Variants in CFAP263 observed in about 807,000 individuals in gnomAD.
The protein encoded by CFAP263 is cilia- and flagella-associated protein 263.
chr16:58,275,836 G>T, the CFAP263 span, among the ~76,000 whole-genome samples: 1 of 152,104 alleles, frequency 6.6e-6, no homozygotes, highest in South Asian at 2.1e-4. Flanking sequence ...ATTAATTCAG[G>T]TATATCAGAG....
chr16:58,257,951 T>C, the CFAP263 span, among the ~76,000 whole-genome samples: 28 of 152,034 alleles, frequency 1.8e-4, no homozygotes, highest in Non-Finnish European at 3.2e-4. Flanking sequence ...CTACTAAAAA[T>C]ACACAAATTA....
At chr16:58,258,650 C>T in the CFAP263 span, 2 of 779,572 alleles carry the variant, frequency 2.6e-6, no homozygotes, top group Non-Finnish European at 4.1e-6. Flanking sequence ...TGCGGATTTT[C>T]TTTGCATCCC....
the CFAP263 span, among the ~76,000 whole-genome samples, chr16:58,278,985 T>G: frequency 1.3e-5 from 2 of 152,200 alleles, no homozygotes; most frequent in Non-Finnish European, 2.9e-5. Flanking sequence ...TCCATTTTTT[T>G]TTTAAATGAG....
At chr16:58,257,014 C>CTT in the CFAP263 span, among the ~76,000 whole-genome samples, 75 of 41,916 alleles carry the variant, frequency 1.8e-3, 17 homozygotes, top group Non-Finnish European at 1.4e-3. Context: ...ATATGAATTT[C>CTT]TTTTTTTTTT....
At chr16:58,259,758 G>T in the CFAP263 span, 1 of 667,158 alleles carries the variant, frequency 1.5e-6, no homozygotes, top group Non-Finnish European at 2.5e-6. Context: ...AGGGCTCAAG[G>T]TTTGGTTTGC....
the CFAP263 span, among the ~76,000 whole-genome samples, chr16:58,251,701 T>C: frequency 6.6e-6 from 1 of 152,188 alleles, no homozygotes; most frequent in African/African-American, 2.4e-5. Flanking sequence ...CCCACTAGTC[T>C]TAAAATTCAG....
At chr16:58,258,641 G>A in the CFAP263 span, 1 of 912,406 alleles carries the variant, frequency 1.1e-6, no homozygotes. Flanking sequence ...GCCCACATAT[G>A]CGGATTTTCT....
At chr16:58,255,060 C>G in the CFAP263 span, among the ~76,000 whole-genome samples, 5 of 152,106 alleles carry the variant, frequency 3.3e-5, no homozygotes, top group Non-Finnish European at 7.3e-5. Flanking sequence ...CCCACGCAAT[C>G]GATCGGCTGT....
At chr16:58,266,374 CATATATATATATATATATAT>C in the CFAP263 span, among the ~76,000 whole-genome samples, 1 of 41,404 alleles carries the variant, frequency 2.4e-5, no homozygotes, top group African/African-American at 1.1e-4. Flanking sequence ...CTCTTTCCAG[CATATATATATATATATATAT>C]ATATATATAT....
the CFAP263 span, among the ~76,000 whole-genome samples, chr16:58,254,407 A>T: frequency 2.0e-3 from 310 of 152,274 alleles, 1 homozygote; most frequent in African/African-American, 6.9e-3. Flanking sequence ...ACAAACCCCT[A>T]TGTATTCAAC....
At chr16:58,279,602 C>A in the CFAP263 span, 3 of 1,096,334 alleles carry the variant, frequency 2.7e-6, no homozygotes, top group Non-Finnish European at 3.9e-6. Context: ...GGGCTGCATT[C>A]TCAGTAGCCA....
At chr16:58,263,405 T>C in the CFAP263 span, among the ~76,000 whole-genome samples, 1 of 152,178 alleles carries the variant, frequency 6.6e-6, no homozygotes. Context: ...AATAAAACAT[T>C]GGTAGGATTT....
chr16:58,280,065 G>C, the CFAP263 span: 5 of 709,402 alleles, frequency 7.0e-6, no homozygotes, highest in African/African-American at 7.2e-5. Context: ...ACACCTGGGA[G>C]AGGGATAGAG....
At chr16:58,262,345 A>G in the CFAP263 span, 2 of 1,568,000 alleles carry the variant, frequency 1.3e-6, no homozygotes. Flanking sequence ...CAGAATCACA[A>G]CTGACGTATC....
chr16:58,272,655 T>A, the CFAP263 span, among the ~76,000 whole-genome samples: 1 of 152,252 alleles, frequency 6.6e-6, no homozygotes, highest in East Asian at 1.9e-4. Context: ...AAATGTTTTC[T>A]GTGGCATATG....
the CFAP263 span, among the ~76,000 whole-genome samples, chr16:58,251,869 GAAGTT>G: frequency 2.6e-5 from 4 of 152,148 alleles, no homozygotes; most frequent in African/African-American, 9.7e-5. Context: ...ACACGTATGA[GAAGTT>G]AAGAAGTTAA....
At chr16:58,267,552 A>C in the CFAP263 span, 1 of 1,613,234 alleles carries the variant, frequency 6.2e-7, no homozygotes, top group Non-Finnish European at 8.5e-7. Context: ...GAGCTACTTG[A>C]AAAAATTGAA....
chr16:58,278,399 T>C, the CFAP263 span: 1 of 1,251,460 alleles, frequency 8.0e-7, no homozygotes, highest in Non-Finnish European at 1.1e-6. Flanking sequence ...ATTGGAACTA[T>C]GGGGAGAGAT....
At chr16:58,280,194 A>C in the CFAP263 span, 1 of 1,574,358 alleles carries the variant, frequency 6.4e-7, no homozygotes. Flanking sequence ...TTCTCAGTTT[A>C]CTCTTCAGTT....
Sources: allele counts gnomAD v4.1 joint callset (sites outside exome capture counted in the v4.1 genomes callset), GRCh38; gene constraint gnomAD v4.1.1; transcripts MANE v1.5; gene names NCBI Gene and HGNC (gene_info 2026-07-23, HGNC 2026-07-21).